SHQ1: variants seen among roughly 807,000 people sequenced by gnomAD.
SHQ1 encodes the protein SHQ1, H/ACA ribonucleoprotein assembly factor, also known as protein SHQ1 homolog.
In SHQ1, 49 loss-of-function variants were observed where a neutral mutation model predicts 53.8. That is an observed-to-expected ratio of 0.91 (90% CI 0.72 to 1.16). The LOEUF is 1.16. SHQ1 is among the 50% of genes most tolerant of loss of function. The pLI, the probability that SHQ1 is intolerant of heterozygous loss-of-function variation, is 0.00. For missense variants in SHQ1, 738 were observed against 683.1 expected, an observed-to-expected ratio of 1.08 and a Z score of -0.90; for synonymous variants, 243 against 251.0, an observed-to-expected ratio of 0.97 and a Z score of 0.30.
intron 9 of SHQ1, among the ~76,000 whole-genome samples, chr3:72,798,383 A>G (rs1174698856): frequency 6.6e-6 from 1 of 152,236 alleles, no homozygotes; most frequent in Non-Finnish European, 1.5e-5. Flanking sequence ...TCATGAAAGC[A>G]GTTTAACACT....
intron 1 of SHQ1, chr3:72,846,279 G>T: frequency 1.3e-6 from 2 of 1,534,050 alleles, no homozygotes; most frequent in Non-Finnish European, 1.7e-6. Context: ...TTCATCCTTG[G>T]TATAGCAAAC....
intron 9 of SHQ1, among the ~76,000 whole-genome samples, chr3:72,810,698 G>C (rs1707089546): frequency 6.6e-6 from 1 of 152,168 alleles, no homozygotes; most frequent in South Asian, 2.1e-4. Context: ...AAACAAATGA[G>C]CCTCTTCAGC....
intron 10 of SHQ1, among the ~76,000 whole-genome samples, chr3:72,772,008 G>C (rs573453155): frequency 6.6e-6 from 1 of 152,096 alleles, no homozygotes; most frequent in Non-Finnish European, 1.5e-5. Context: ...AGTGCAGGGG[G>C]AATTAATCCA....
At chr3:72,775,560 G>C (rs187083243) in intron 10 of SHQ1, among the ~76,000 whole-genome samples, 2 of 149,828 alleles carry the variant, frequency 1.3e-5, no homozygotes, top group East Asian at 3.9e-4. Flanking sequence ...GCAATGTTAA[G>C]TCATTTTATC....
intron 5 of SHQ1, among the ~76,000 whole-genome samples, chr3:72,827,408 G>A (rs751794852): frequency 2.0e-5 from 3 of 152,000 alleles, no homozygotes; most frequent in South Asian, 2.1e-4. Flanking sequence ...ACACCACAGC[G>A]CAGAGGACAC....
At chr3:72,841,287 G>A in intron 3 of SHQ1, 88 bp from the exon 4 acceptor site, 2 of 993,060 alleles carry the variant, frequency 2.0e-6, no homozygotes, top group Non-Finnish European at 2.9e-6. Flanking sequence ...TGCCCACAAA[G>A]ATGTACCAAA....
At chr3:72,748,242 T>C (rs571813635), downstream of SHQ1, among the ~76,000 whole-genome samples, 49 of 137,876 alleles carry the variant, frequency 3.6e-4, no homozygotes, top group South Asian at 6.8e-3. Flanking sequence ...TAAACAAAGA[T>C]CAAGAGTATA....
At chr3:72,737,273 G>A in the SHQ1 span, among the ~76,000 whole-genome samples, 1 of 151,908 alleles carries the variant, frequency 6.6e-6, no homozygotes, top group Non-Finnish European at 1.5e-5. Context: ...GCAAGATTCT[G>A]TCTCCCAAAA....
rs200658486 is a variant in SHQ1 at position 72,841,100 on chromosome 3, G to A, written c.431C>T (p.Pro144Leu). ...CEEVSESALN[P>L]QCHYGFGNLR... ...GTTTCCAAATCCATAGTGGCACTGC[G>A]GATTCAAAGCACTTTCTGATACCTC... Residue 144 changes from proline (P) to leucine (L), a missense_variant, in exon 4 of 11, where the codon CCG (proline) becomes CTG (leucine). Transcript: ENST00000325599. 1.4e-5 allele frequency: 23 copies of A among 1,613,806 alleles called. 1 individual carries two copies. Among genetic ancestry groups the A allele is most frequent in the South Asian group, 7.7e-5 (7 of 91,042 alleles).
At chr3:72,823,643 T>C (rs1283835107) in intron 6 of SHQ1, among the ~76,000 whole-genome samples, 1 of 152,134 alleles carries the variant, frequency 6.6e-6, no homozygotes, top group South Asian at 2.1e-4. Flanking sequence ...ACACTACAAA[T>C]TGAAAACAAG....
rs113208598 is a variant in SHQ1, at chr3:72,790,398, C to T, written c.1181+2518G>A. On this transcript the variant is annotated intron_variant, in intron 10 of 10. Transcript: ENST00000325599. ...TGTGCTAGTCAGAATTTAGCAATTACCTGGTATTTCAAACAAAACCTTACA... is the reference window on the plus strand; with the variant it reads ...TGTGCTAGTCAGAATTTAGCAATTATCTGGTATTTCAAACAAAACCTTACA... 3.1e-3 allele frequency among the ~76,000 whole-genome samples: 469 copies of T among 152,250 alleles called. 4 individuals carry two copies. The highest frequency in any genetic ancestry group is 0.011 in the African/African-American group (441 of 41,532).
downstream of SHQ1, among the ~76,000 whole-genome samples, chr3:72,745,022 A>T (rs2106688935): frequency 6.6e-6 from 1 of 151,958 alleles, no homozygotes; most frequent in Non-Finnish European, 1.5e-5. Flanking sequence ...ACTAAGTTTT[A>T]AACTCATTTC....
At chr3:72,809,072 G>A (rs1707040026) in intron 9 of SHQ1, among the ~76,000 whole-genome samples, 1 of 152,098 alleles carries the variant, frequency 6.6e-6, no homozygotes, top group East Asian at 1.9e-4. Flanking sequence ...GCTTACCCTG[G>A]AAATTTTAAC....
At chr3:72,789,921 A>G (rs1706384988) in intron 10 of SHQ1, among the ~76,000 whole-genome samples, 1 of 152,208 alleles carries the variant, frequency 6.6e-6, no homozygotes, top group Non-Finnish European at 1.5e-5. Flanking sequence ...ATGGGTGGAG[A>G]CAACTGGTTG....
chr3:72,823,177 T>C (rs1707536277), intron 6 of SHQ1, among the ~76,000 whole-genome samples: 1 of 149,722 alleles, frequency 6.7e-6, no homozygotes, highest in African/African-American at 2.4e-5. Context: ...AGAGTCACTA[T>C]AATGAGCTTC....
chr3:72,732,376 G>T, the SHQ1 span, among the ~76,000 whole-genome samples: 262 of 100,032 alleles, frequency 2.6e-3, 2 homozygotes, highest in African/African-American at 8.5e-3. Flanking sequence ...CTGCCTGCCT[G>T]CCTGCCTGCC....
rs1706618548 is a variant in SHQ1 at position 72,796,262 on chromosome 3, T to C, written c.1061-3226A>G. Among the ~76,000 whole-genome samples, 17 of 152,018 alleles carry C rather than the reference T, an allele frequency of 1.1e-4. 1 individual carries two copies. Among genetic ancestry groups the C allele is most frequent in the Admixed American group, 1.1e-3 (17 of 15,244 alleles). ...AACAAGGAGGAAGAGAAGAATGCAC[T>C]TGGACAGACTGAGTGAGAACGTCTC... On this transcript the variant is annotated intron_variant, in intron 9 of 10. Coordinates refer to ENST00000325599, the MANE Select transcript of SHQ1 (RefSeq NM_018130.3).
intron 10 of SHQ1, among the ~76,000 whole-genome samples, chr3:72,759,307 T>C (rs890271949): frequency 4.6e-5 from 7 of 152,190 alleles, no homozygotes; most frequent in African/African-American, 1.4e-4. Flanking sequence ...GTGGAGATGC[T>C]CATTAATAGA....
intron 4 of SHQ1, among the ~76,000 whole-genome samples, chr3:72,837,011 G>A (rs549630114): frequency 1.1e-4 from 16 of 152,326 alleles, no homozygotes; most frequent in African/African-American, 3.8e-4. Context: ...TAGCCAAAAG[G>A]ACAGGGCCAG....
Sources: gnomAD v4.1 joint callset for allele counts (sites outside exome capture counted in the v4.1 genomes callset) on GRCh38, gnomAD v4.1.1 for gene constraint, MANE v1.5 for transcripts, NCBI Gene and HGNC (gene_info 2026-07-23, HGNC 2026-07-21) for gene names.